The following BEND6 variants were observed in gnomAD, a reference collection of about 807,000 sequenced individuals.
BEND6 encodes BEN domain containing 6.
Under a neutral mutation model 31.8 loss-of-function variants are expected in BEND6, and 24 were observed. The observed-to-expected ratio is 0.75, with a 90% CI of 0.55 to 1.06. The LOEUF (loss-of-function observed/expected upper bound fraction) is 1.06. Among genes scored for constraint, BEND6 ranks in the 50% least tolerant of loss-of-function variants. The pLI is 0.00. For synonymous variants in BEND6, 109 were observed against 114.6 expected (o/e 0.95, Z 0.31); for missense variants, 294 against 327.4 (o/e 0.90, Z 0.79).
At chr6:57,016,977 A>G (rs1827586341) in intron 4 of BEND6, among the ~76,000 whole-genome samples, 2 of 152,164 alleles carry the variant, frequency 1.3e-5, no homozygotes, top group South Asian at 4.1e-4. Context: ...ACCCTATAAC[A>G]AATACCTCAT....
At chr6:56,974,093 T>C (rs1052346618) in intron 1 of BEND6, among the ~76,000 whole-genome samples, 9 of 152,228 alleles carry the variant, frequency 5.9e-5, no homozygotes, top group African/African-American at 1.9e-4. Context: ...TCCCATTTAA[T>C]GTTTTCAGAC....
chr6:56,976,515 G>C (rs1203294936), intron 1 of BEND6, among the ~76,000 whole-genome samples: 3 of 151,294 alleles, frequency 2.0e-5, no homozygotes, highest in Non-Finnish European at 4.4e-5. Context: ...TTCTAAGGCA[G>C]AGTGGAGTGT....
At chr6:57,019,354 G>A (rs1235011286) in intron 6 of BEND6, among the ~76,000 whole-genome samples, 2 of 152,092 alleles carry the variant, frequency 1.3e-5, no homozygotes, top group Non-Finnish European at 2.9e-5. Flanking sequence ...TGTGTATGAC[G>A]TGTTAAAATT....
chr6:56,988,330 T>C (rs1049937940), intron 2 of BEND6, among the ~76,000 whole-genome samples: 1 of 152,078 alleles, frequency 6.6e-6, no homozygotes, highest in African/African-American at 2.4e-5. Flanking sequence ...GTGCTTTTTT[T>C]CAACTGAATC....
intron 1 of BEND6, among the ~76,000 whole-genome samples, chr6:56,968,799 G>T (rs1342440589): frequency 6.6e-6 from 1 of 152,092 alleles, no homozygotes; most frequent in African/African-American, 2.4e-5. Context: ...GAAGTGGCCA[G>T]GTGCGGTGGC....
intron 1 of BEND6, among the ~76,000 whole-genome samples, chr6:56,969,343 C>T (rs1420125051): frequency 6.6e-6 from 1 of 152,180 alleles, no homozygotes; most frequent in African/African-American, 2.4e-5. Context: ...TCTCCTTCCT[C>T]CGTGCCCTAT....
At chr6:57,000,884 G>GAAAAAAA (rs142783287) in intron 3 of BEND6, among the ~76,000 whole-genome samples, 1 of 99,752 alleles carries the variant, frequency 1.0e-5, no homozygotes. Flanking sequence ...CACTTCCTCT[G>GAAAAAAA]AAAAAAAAAA....
chr6:57,007,116 C>T (rs1827186265), intron 3 of BEND6, among the ~76,000 whole-genome samples: 1 of 151,916 alleles, frequency 6.6e-6, no homozygotes, highest in Non-Finnish European at 1.5e-5. Flanking sequence ...ACAGGGAGAC[C>T]CATCTCTACA....
chr6:56,987,770 A>T (rs79196725), intron 2 of BEND6, among the ~76,000 whole-genome samples: 153 of 152,188 alleles, frequency 1.0e-3, no homozygotes, highest in Non-Finnish European at 1.9e-3. Flanking sequence ...ATTCTTTAAA[A>T]TTTTAAACAA....
At chr6:56,974,833 A>G (rs1825817822) in intron 1 of BEND6, among the ~76,000 whole-genome samples, 2 of 152,248 alleles carry the variant, frequency 1.3e-5, no homozygotes, top group Admixed American at 1.3e-4. Flanking sequence ...ATTTAAAGGC[A>G]AAGCAGCCTG....
intron 2 of BEND6, among the ~76,000 whole-genome samples, chr6:56,984,245 A>G (rs1484322361): frequency 6.6e-6 from 1 of 152,030 alleles, no homozygotes; most frequent in Non-Finnish European, 1.5e-5. Context: ...AAGCAAAGAA[A>G]AAAGAAAAAA....
chr6:57,000,020 G>A (rs1427932389), intron 3 of BEND6, among the ~76,000 whole-genome samples: 2 of 151,708 alleles, frequency 1.3e-5, no homozygotes, highest in Non-Finnish European at 2.9e-5. Flanking sequence ...CTGCCCTGCT[G>A]CCCCATCTGG....
intron 1 of BEND6, among the ~76,000 whole-genome samples, chr6:56,979,731 G>A (rs1211378210): frequency 6.6e-6 from 1 of 152,098 alleles, no homozygotes; most frequent in Non-Finnish European, 1.5e-5. Context: ...CTCTTGCTAT[G>A]TAAATACCTA....
In BEND6 at chr6:57,014,508, C is replaced by T. The variant is rs1316086924; in HGVS notation, c.299-625C>T. ...CAGAGAAGACCATTTTACATGGAGG[C>T]ATGAAAACTTTGAATGTGTAAGTTT... On this transcript the variant is annotated intron_variant, in intron 3 of 6. Transcript: ENST00000370746. The T allele has an allele frequency of 2.0e-6, 3 of 1,520,050 alleles. No individual in the cohort carries two copies. The South Asian group carries it at 3.8e-5, about 19-fold the overall frequency. The allele number at this position is 1,520,050 out of a possible 1,614,324, so 94.2% of individuals were successfully genotyped here.
At chr6:56,988,270 C>A (rs1826358157) in intron 2 of BEND6, among the ~76,000 whole-genome samples, 1 of 152,020 alleles carries the variant, frequency 6.6e-6, no homozygotes, top group Non-Finnish European at 1.5e-5. Context: ...CCAGCCACGG[C>A]CTCCCAAAGT....
chr6:57,019,676 C>T (rs779059950), intron 6 of BEND6, among the ~76,000 whole-genome samples: 8 of 152,262 alleles, frequency 5.3e-5, no homozygotes, highest in East Asian at 1.9e-4. Context: ...CCAGCTCTGC[C>T]GAGAGTCAAC....
chr6:56,962,357 T>A (rs1047919726), intron 1 of BEND6, among the ~76,000 whole-genome samples: 2 of 152,242 alleles, frequency 1.3e-5, no homozygotes, highest in Admixed American at 6.5e-5. Context: ...TAGGTCTCAA[T>A]GTCACATCAT....
intron 3 of BEND6, among the ~76,000 whole-genome samples, chr6:57,000,531 C>T (rs1826892067): frequency 6.6e-6 from 1 of 151,142 alleles, no homozygotes; most frequent in African/African-American, 2.4e-5. Context: ...GACCCTGCCA[C>T]ATCCCCCTCT....
chr6:57,004,473 G>A (rs1405053303), intron 3 of BEND6: 5 of 636,492 alleles, frequency 7.9e-6, no homozygotes, highest in South Asian at 4.7e-5. Flanking sequence ...TCCTCACCGC[G>A]CCCTGGGACC....
Sources: gnomAD v4.1 joint callset for allele counts (sites outside exome capture counted in the v4.1 genomes callset) on GRCh38, gnomAD v4.1.1 for gene constraint, MANE v1.5 for transcripts, NCBI Gene and HGNC (gene_info 2026-07-23, HGNC 2026-07-21) for gene names.